Variants in CCDC50 observed in about 807,000 individuals in gnomAD.
The protein encoded by CCDC50 is coiled-coil domain containing 50.
In CCDC50, 54 loss-of-function variants were observed where a neutral mutation model predicts 70.2. The observed-to-expected ratio is 0.77, with a 90% CI of 0.62 to 0.96. The LOEUF is 0.96. Ranked by LOEUF, CCDC50 falls within the 50% of genes least tolerant of loss-of-function variation. The pLI is 0.00. For missense variants in CCDC50, 558 were observed against 578.7 expected, an observed-to-expected ratio of 0.96 and a Z score of 0.37; for synonymous variants, 216 against 198.8, an observed-to-expected ratio of 1.09 and a Z score of -0.73.
chr3:191,359,047 A>G (rs1712394408), intron 3 of CCDC50, among the ~76,000 whole-genome samples: 1 of 152,228 alleles, frequency 6.6e-6, no homozygotes, highest in Non-Finnish European at 1.5e-5. Flanking sequence ...GCACCATGAA[A>G]GGAGACCAGA....
chr3:191,368,875 A>G (rs1712795966), intron 4 of CCDC50, among the ~76,000 whole-genome samples: 1 of 152,082 alleles, frequency 6.6e-6, no homozygotes, highest in South Asian at 2.1e-4. Flanking sequence ...TTTACAGGCT[A>G]TTTTATGGGG....
At chr3:191,344,980 A>G (rs920682629) in intron 1 of CCDC50, among the ~76,000 whole-genome samples, 21 of 152,310 alleles carry the variant, frequency 1.4e-4, no homozygotes, top group Admixed American at 7.2e-4. Flanking sequence ...TCTTCAAAAC[A>G]TAAAGTTTTG....
chr3:191,356,906 T>C (rs1712303845), intron 1 of CCDC50, among the ~76,000 whole-genome samples, 182 bp from the exon 2 acceptor site: 1 of 152,224 alleles, frequency 6.6e-6, no homozygotes, highest in Non-Finnish European at 1.5e-5. Context: ...GCACTATAGA[T>C]TTTTGTGACT....
intron 1 of CCDC50, among the ~76,000 whole-genome samples, chr3:191,337,815 A>G (rs552029133): frequency 4.7e-4 from 71 of 152,240 alleles, no homozygotes; most frequent in Non-Finnish European, 8.1e-4. Flanking sequence ...AACCACCTTA[A>G]AATGTTTCCT....
At chr3:191,383,488 C>T (rs944355551) in intron 10 of CCDC50, among the ~76,000 whole-genome samples, 2 of 151,572 alleles carry the variant, frequency 1.3e-5, no homozygotes, top group African/African-American at 4.8e-5. Context: ...GAAAAAGATA[C>T]TAAAAACAAG....
At chr3:191,383,935 G>A (rs990711009) in intron 10 of CCDC50, among the ~76,000 whole-genome samples, 13 of 151,998 alleles carry the variant, frequency 8.6e-5, no homozygotes, top group African/African-American at 3.1e-4. Flanking sequence ...AAATACATCT[G>A]GATTATTATC....
chr3:191,368,052 T>C (rs1712759188), intron 4 of CCDC50, among the ~76,000 whole-genome samples: 1 of 151,128 alleles, frequency 6.6e-6, no homozygotes, highest in South Asian at 2.1e-4. Context: ...GACATTTGGC[T>C]TTTTTTTTAA....
At chr3:191,342,378 A>T (rs1297093532) in intron 1 of CCDC50, among the ~76,000 whole-genome samples, 1 of 151,792 alleles carries the variant, frequency 6.6e-6, no homozygotes, top group Non-Finnish European at 1.5e-5. Context: ...TGAATTTACT[A>T]CTCCTAATAG....
At position 191,358,378 on chromosome 3, in the gene CCDC50, C is replaced by A. The variant is rs544876832; in HGVS notation, c.239+254C>A. On this transcript the variant is annotated intron_variant, in intron 3 of 11. Transcript: ENST00000392455. ...ATTTTTTAGCTGTTATGACCTTGGG[C>A]CAGTTAGTCAACTTCTCTGAATTTA... Among the ~76,000 whole-genome samples the A allele has an allele frequency of 4.8e-4, 73 of 152,262 alleles. 1 individual carries two copies. In the South Asian group the frequency reaches 8.9e-3, roughly 19 times the overall value.
chr3:191,339,749 G>A (rs1711658319), intron 1 of CCDC50, among the ~76,000 whole-genome samples: 1 of 152,222 alleles, frequency 6.6e-6, no homozygotes, highest in South Asian at 2.1e-4. Context: ...TGGACAGTTA[G>A]TGACTGATAA....
At chr3:191,346,220 G>A (rs1313795890) in intron 1 of CCDC50, among the ~76,000 whole-genome samples, 1 of 152,026 alleles carries the variant, frequency 6.6e-6, no homozygotes, top group African/African-American at 2.4e-5. Context: ...TTGCTTCACT[G>A]TTTAGATGCT....
At chr3:191,333,343 G>A (rs920711657) in intron 1 of CCDC50, among the ~76,000 whole-genome samples, 62 of 152,182 alleles carry the variant, frequency 4.1e-4, no homozygotes, top group African/African-American at 1.4e-3. Flanking sequence ...TAAGTTAATG[G>A]CGTACATCCA....
chr3:191,372,176 C>A (rs1364851472), intron 5 of CCDC50, among the ~76,000 whole-genome samples: 1 of 152,090 alleles, frequency 6.6e-6, no homozygotes, highest in African/African-American at 2.4e-5. Flanking sequence ...TTTTCAGGGA[C>A]ACATAAAAGC....
chr3:191,344,662 T>C (rs1161454702), intron 1 of CCDC50, among the ~76,000 whole-genome samples: 2 of 152,180 alleles, frequency 1.3e-5, no homozygotes, highest in Non-Finnish European at 2.9e-5. Context: ...CACTGCAACC[T>C]CTGCCTCCTG....
chr3:191,389,478 A>T lies in CCDC50; in HGVS notation c.1323-18A>T, dbSNP rs1046421605. The T allele has an allele frequency of 6.2e-7, 1 of 1,601,322 alleles. No individual in the cohort carries two copies. Among genetic ancestry groups the T allele is most frequent in the African/African-American group, 1.3e-5 (1 of 74,642 alleles). On this transcript the variant is annotated intron_variant, in intron 10 of 11. Transcript: ENST00000392455. ...AGCGTTACTTAGAATGCCCCTTTAAATTCTGGATTCCTTTTAGGCCACCAC... is the reference window on the plus strand; with the variant it reads ...AGCGTTACTTAGAATGCCCCTTTAATTTCTGGATTCCTTTTAGGCCACCAC...
intron 1 of CCDC50, among the ~76,000 whole-genome samples, chr3:191,347,740 G>A (rs535948478): frequency 7.0e-6 from 1 of 141,914 alleles, no homozygotes; most frequent in Non-Finnish European, 1.6e-5. Context: ...GAAATTCCAG[G>A]TGAAGGAATT....
At chr3:191,382,640 C>A in intron 9 of CCDC50, 106 bp from the exon 10 acceptor site, 1 of 745,846 alleles carries the variant, frequency 1.3e-6, no homozygotes, top group Non-Finnish European at 2.4e-6. Context: ...TAAGGAAGAG[C>A]TTGGCATGAT....
In CCDC50 at chr3:191,329,423, T is replaced by G; in HGVS notation, c.-252T>G. On this transcript the variant is annotated 5_prime_UTR_variant, in exon 1 of 12. Coordinates refer to ENST00000392455, the MANE Select transcript of CCDC50 (RefSeq NM_178335.3). The stretch of plus-strand genomic sequence containing the variant: ...CCGGGCTCCGGATATTTGGTATCGA[T>G]TGGGGCCGGGGACGCGGAGCAGGTG... 3.6e-5 allele frequency: 15 copies of G among 419,966 alleles called. No individual in the cohort carries two copies. The highest frequency in any genetic ancestry group is 9.5e-5 in the Admixed American group (2 of 21,144). 26.0% of individuals were successfully genotyped at this position (419,966 alleles called of 1,614,324 possible).
At position 191,394,032 on chromosome 3, in the gene CCDC50, G is replaced by A. The variant is rs971041714; in HGVS notation, c.*2272G>A. ...GTACTTCATCCAGTTATTTATTATT[G>A]TAAAATGTTAACTGGAGATACTGCA... On this transcript the variant is annotated 3_prime_UTR_variant, in exon 12 of 12. Coordinates refer to ENST00000392455, the MANE Select transcript of CCDC50 (RefSeq NM_178335.3). 1 of 151,416 alleles carries A rather than the reference G, an allele frequency of 6.6e-6. No homozygotes were observed. Among genetic ancestry groups the A allele is most frequent in the Non-Finnish European group, 1.5e-5 (1 of 67,894 alleles). The allele number at this position is 151,416 out of a possible 1,614,324, so 9.4% of individuals were successfully genotyped here.
Sources: gnomAD v4.1 joint callset for allele counts (sites outside exome capture counted in the v4.1 genomes callset) on GRCh38, gnomAD v4.1.1 for gene constraint, MANE v1.5 for transcripts, NCBI Gene and HGNC (gene_info 2026-07-23, HGNC 2026-07-21) for gene names.